Variants in RARB observed in about 807,000 individuals in gnomAD.
RARB encodes the protein retinoic acid receptor beta.
Under a neutral mutation model 51.9 loss-of-function variants are expected in RARB, and 17 were observed. The observed-to-expected ratio is 0.33, with a 90% CI of 0.22 to 0.49. The LOEUF (loss-of-function observed/expected upper bound fraction) is 0.49, where lower values mean the gene tolerates loss of function less well. Ranked by LOEUF, RARB falls within the 20% of genes least tolerant of loss-of-function variation. The pLI is 0.99. For synonymous variants in RARB, 215 were observed against 195.4 expected (o/e 1.10, Z -0.84); for missense variants, 369 against 550.8 (o/e 0.67, Z 3.30).
intron 2 of RARB, among the ~76,000 whole-genome samples, chr3:24,907,290 T>A (rs1694887964): frequency 6.6e-6 from 1 of 152,170 alleles, no homozygotes; most frequent in Non-Finnish European, 1.5e-5. Flanking sequence ...TGATCTGATG[T>A]AATAGGTCTA....
chr3:25,263,666 T>G (rs767305999), intron 5 of RARB, among the ~76,000 whole-genome samples: 12 of 152,172 alleles, frequency 7.9e-5, no homozygotes, highest in Non-Finnish European at 1.6e-4. Flanking sequence ...CACCTTGGTC[T>G]TTGGGAAAAT....
chr3:25,440,106 A>G (rs1317818332), intron 1 of RARB, among the ~76,000 whole-genome samples: 1 of 151,648 alleles, frequency 6.6e-6, no homozygotes, highest in Non-Finnish European at 1.5e-5. Context: ...TATTTGACAC[A>G]TGATGCTCAG....
rs145873142 is a variant in RARB at position 25,136,908 on chromosome 3, G to A, written c.-280+4700G>A. Among the ~76,000 whole-genome samples, 17 of 152,156 alleles carry A rather than the reference G, an allele frequency of 1.1e-4. No homozygotes were observed. The East Asian group carries it at 3.3e-3, about 29-fold the overall frequency. ...ATACATATTTGGCAAGTTGGGCCAA[G>A]ATTGTTAATGGTATCAACAACCGCA... On this transcript the variant is annotated intron_variant, in intron 4 of 11. Transcript: ENST00000383772.
chr3:25,530,235 G>A (rs1698841406), intron 3 of RARB, among the ~76,000 whole-genome samples: 1 of 152,162 alleles, frequency 6.6e-6, no homozygotes, highest in South Asian at 2.1e-4. Context: ...CTTTGATTCC[G>A]TAGGGGGAAA....
intron 3 of RARB, among the ~76,000 whole-genome samples, chr3:25,501,542 G>C (rs1032235641): frequency 2.0e-5 from 3 of 152,198 alleles, no homozygotes; most frequent in Non-Finnish European, 4.4e-5. Context: ...GTGGATGTCA[G>C]ATTTGTATTC....
At position 25,581,684 on chromosome 3, in the gene RARB, C is replaced by A. The variant is rs71313306; in HGVS notation, c.786+962C>A. Reference sequence around the variant, plus strand: ...GGTATTAGGAGGTGGGGTCTTTGGGCGGGGGCGATTAGGTTTAGGTGAGGT... The same window carrying A: ...GGTATTAGGAGGTGGGGTCTTTGGGAGGGGGCGATTAGGTTTAGGTGAGGT... On this transcript the variant is annotated intron_variant, in intron 5 of 7. Coordinates refer to ENST00000330688, the MANE Select transcript of RARB (RefSeq NM_000965.5). Among the ~76,000 whole-genome samples the A allele has an allele frequency of 6.5e-3, 996 of 152,130 alleles. 4 individuals carry two copies. Among genetic ancestry groups the A allele is most frequent in the Non-Finnish European group, 9.4e-3 (636 of 67,992 alleles).
At chr3:25,298,687 G>A (rs1269316234) in intron 5 of RARB, among the ~76,000 whole-genome samples, 1 of 152,080 alleles carries the variant, frequency 6.6e-6, no homozygotes, top group Admixed American at 6.6e-5. Flanking sequence ...CAGATGCTTG[G>A]GGCCTACTGA....
intron 2 of RARB, among the ~76,000 whole-genome samples, chr3:25,004,455 G>C (rs1575114684): frequency 6.6e-6 from 1 of 152,092 alleles, no homozygotes; most frequent in African/African-American, 2.4e-5. Flanking sequence ...TCATCACATG[G>C]TGGAAGGGCA....
chr3:25,197,528 T>C (rs1201064850), intron 5 of RARB, among the ~76,000 whole-genome samples: 1 of 152,050 alleles, frequency 6.6e-6, no homozygotes, highest in East Asian at 1.9e-4. Context: ...GACATCATCT[T>C]AGATTTGGAA....
At chr3:25,013,229 G>T (rs1425503097) in intron 2 of RARB, among the ~76,000 whole-genome samples, 1 of 152,120 alleles carries the variant, frequency 6.6e-6, no homozygotes, top group African/African-American at 2.4e-5. Context: ...CCTTTGGCAT[G>T]AAGACCAGTG....
chr3:24,964,070 T>C (rs1696201877), intron 2 of RARB, among the ~76,000 whole-genome samples: 1 of 152,146 alleles, frequency 6.6e-6, no homozygotes, highest in Non-Finnish European at 1.5e-5. Flanking sequence ...GTTTTTCTTC[T>C]GTTTTGATTG....
chr3:25,522,803 G>A (rs976820717), intron 3 of RARB, among the ~76,000 whole-genome samples: 4 of 152,104 alleles, frequency 2.6e-5, no homozygotes, highest in African/African-American at 9.7e-5. Flanking sequence ...CACACCTGAG[G>A]TATATTTTGA....
At chr3:25,293,505 A>G (rs1281069379) in intron 5 of RARB, among the ~76,000 whole-genome samples, 1 of 149,366 alleles carries the variant, frequency 6.7e-6, no homozygotes. Flanking sequence ...CTATTACCCA[A>G]CATACAACAC....
At chr3:25,241,720 C>A (rs536827708) in intron 5 of RARB, among the ~76,000 whole-genome samples, 2 of 152,076 alleles carry the variant, frequency 1.3e-5, no homozygotes, top group African/African-American at 2.4e-5. Context: ...TAACATTGAT[C>A]GGCATTTGGG....
intron 2 of RARB, among the ~76,000 whole-genome samples, chr3:24,905,684 T>C (rs1039405620): frequency 1.3e-5 from 2 of 152,216 alleles, no homozygotes; most frequent in Non-Finnish European, 2.9e-5. Context: ...GCAGTAGTCA[T>C]CTTGAGTGAG....
At chr3:25,553,296 C>T (rs1032909683) in intron 3 of RARB, among the ~76,000 whole-genome samples, 3 of 152,154 alleles carry the variant, frequency 2.0e-5, no homozygotes, top group Non-Finnish European at 2.9e-5. Context: ...CTGCCACTGG[C>T]GCCCAGGCAT....
Position 24,900,144 on chromosome 3 carries a change from T to C in RARB, c.-380+41392T>C, listed in dbSNP as rs919041590. Reference sequence around the variant, plus strand: ...TAGCAGCATTTGAATGTTTTTCTTATTAAGGAGAAAAATGGTCAGTAACAT... The same window carrying C: ...TAGCAGCATTTGAATGTTTTTCTTACTAAGGAGAAAAATGGTCAGTAACAT... On this transcript the variant is annotated intron_variant, in intron 2 of 11. Transcript: ENST00000383772. Among the ~76,000 whole-genome samples the C allele has an allele frequency of 2.6e-5, 4 of 152,344 alleles. No individual in the cohort carries two copies. The South Asian group carries it at 8.3e-4, about 32-fold the overall frequency.
At chr3:25,384,535 C>G (rs776866419) in intron 5 of RARB, among the ~76,000 whole-genome samples, 7 of 152,172 alleles carry the variant, frequency 4.6e-5, no homozygotes, top group Non-Finnish European at 1.0e-4. Context: ...GGGGAGGGAC[C>G]TGTTCCTCAG....
chr3:25,024,543 G>A (rs1697702674), intron 2 of RARB, among the ~76,000 whole-genome samples: 1 of 152,076 alleles, frequency 6.6e-6, no homozygotes, highest in Non-Finnish European at 1.5e-5. Flanking sequence ...AGAGACTTAG[G>A]ATAAGTTTCT....
Sources: gnomAD v4.1 joint callset for allele counts (sites outside exome capture counted in the v4.1 genomes callset) on GRCh38, gnomAD v4.1.1 for gene constraint, MANE v1.5 for transcripts, NCBI Gene and HGNC (gene_info 2026-07-23, HGNC 2026-07-21) for gene names.